Variants in ARNT observed in about 807,000 individuals in gnomAD.
ARNT encodes the protein aryl hydrocarbon receptor nuclear translocator, also known as class E basic helix-loop-helix protein 2.
In ARNT, 30 loss-of-function variants were observed where a neutral mutation model predicts 105.0. The ratio of observed to expected loss-of-function variants is 0.29; its 90% CI spans 0.21 to 0.39. ARNT has a LOEUF of 0.39. Ranked by LOEUF, ARNT falls within the 10% of genes least tolerant of loss-of-function variation. The pLI, the probability that ARNT is intolerant of heterozygous loss-of-function variation, is 1.00. For synonymous variants in ARNT, 304 were observed against 344.0 expected (o/e 0.88, Z 1.29); for missense variants, 748 against 978.7 (o/e 0.76, Z 3.15).
In ARNT at chr1:150,811,023, C is replaced by G; in HGVS notation, c.*998G>C. Reference sequence around the variant, plus strand: ...TTGAGTTTCCATGCAGAAATAACCTCTACAGAACACACATCATATGTGATT... The same window carrying G: ...TTGAGTTTCCATGCAGAAATAACCTGTACAGAACACACATCATATGTGATT... On this transcript the variant is annotated 3_prime_UTR_variant, in exon 22 of 22. Transcript: ENST00000358595. The G allele has an allele frequency of 8.6e-6, 2 of 231,332 alleles. No homozygotes were observed. The highest frequency in any genetic ancestry group is 2.2e-5 in the African/African-American group (1 of 45,326). 14.3% of individuals were successfully genotyped at this position (231,332 alleles called of 1,614,324 possible).
chr1:150,868,271 A>AT (rs1666922590), intron 1 of ARNT, among the ~76,000 whole-genome samples: 1 of 152,114 alleles, frequency 6.6e-6, no homozygotes. Flanking sequence ...CGTGGGCAAC[A>AT]TAGCAAGACC....
At chr1:150,870,506 G>A (rs916425327) in intron 1 of ARNT, among the ~76,000 whole-genome samples, 1 of 151,984 alleles carries the variant, frequency 6.6e-6, no homozygotes, top group African/African-American at 2.4e-5. Flanking sequence ...TGCTGGTTTT[G>A]TTGTGTTTTT....
intron 19 of ARNT, among the ~76,000 whole-genome samples, chr1:150,815,319 A>G (rs1290288516): frequency 7.0e-6 from 1 of 142,174 alleles, no homozygotes; most frequent in Admixed American, 7.0e-5. Context: ...GAGGCCGAGG[A>G]GGGCGGATCA....
chr1:150,829,802 T>C, intron 11 of ARNT, 102 bp downstream of exon 11: 1 of 1,260,772 alleles, frequency 7.9e-7, no homozygotes, highest in Non-Finnish European at 1.1e-6. Context: ...TTTTATGGAA[T>C]TCTTCATTTG....
chr1:150,873,884 C>T (rs1468235112), intron 1 of ARNT, among the ~76,000 whole-genome samples: 2 of 151,862 alleles, frequency 1.3e-5, no homozygotes, highest in Admixed American at 6.6e-5. Context: ...TACACCATTG[C>T]ACTACAGTCT....
chr1:150,840,702 A>C (rs1440092954), intron 5 of ARNT, among the ~76,000 whole-genome samples: 1 of 152,202 alleles, frequency 6.6e-6, no homozygotes, highest in Non-Finnish European at 1.5e-5. Flanking sequence ...AGGATGATTA[A>C]AGGTCTGACA....
chr1:150,872,493 C>T (rs940056404), intron 1 of ARNT, among the ~76,000 whole-genome samples: 1 of 152,126 alleles, frequency 6.6e-6, no homozygotes, highest in African/African-American at 2.4e-5. Flanking sequence ...CATAATAGCA[C>T]AAAAAGAATT....
chr1:150,815,105 G>A (rs1022594493), intron 19 of ARNT, among the ~76,000 whole-genome samples: 7 of 152,036 alleles, frequency 4.6e-5, no homozygotes, highest in African/African-American at 1.7e-4. Flanking sequence ...ACACAATTGA[G>A]ATCGTATTGC....
chr1:150,829,599 A>C (rs1658956620), intron 11 of ARNT: 1 of 566,922 alleles, frequency 1.8e-6, no homozygotes, highest in African/African-American at 1.9e-5. Flanking sequence ...TCAGGTAATG[A>C]TACAATGAAA....
intron 21 of ARNT, chr1:150,812,836 T>C (rs1571152910): frequency 1.6e-5 from 3 of 191,062 alleles, no homozygotes; most frequent in East Asian, 2.6e-4. Flanking sequence ...TCTGGTTAAA[T>C]GGTATGTATC....
intron 8 of ARNT, among the ~76,000 whole-genome samples, chr1:150,833,901 T>C (rs1027659810): frequency 1.3e-5 from 2 of 151,882 alleles, no homozygotes; most frequent in African/African-American, 4.8e-5. Flanking sequence ...TATCAAACAG[T>C]ATGTAACAGT....
intron 14 of ARNT, among the ~76,000 whole-genome samples, chr1:150,818,741 ACT>A (rs1158853138): frequency 1.0e-5 from 1 of 98,838 alleles, no homozygotes; most frequent in East Asian, 2.9e-4. Flanking sequence ...AGAGTGAGAC[ACT>A]GTCTCAATGA....
At chr1:150,858,983 A>C (rs1199114458) in intron 1 of ARNT, among the ~76,000 whole-genome samples, 1 of 151,910 alleles carries the variant, frequency 6.6e-6, no homozygotes, top group Non-Finnish European at 1.5e-5. Flanking sequence ...CCCATGTCAT[A>C]GAGTTTGGAA....
chr1:150,838,291 T>C (rs1050163365), intron 6 of ARNT, among the ~76,000 whole-genome samples: 2 of 152,216 alleles, frequency 1.3e-5, no homozygotes, highest in African/African-American at 4.8e-5. Context: ...TCATTTTCCA[T>C]ATCTGCATTT....
chr1:150,849,131 A>G (rs1415677946), intron 3 of ARNT, among the ~76,000 whole-genome samples: 3 of 152,086 alleles, frequency 2.0e-5, no homozygotes, highest in Non-Finnish European at 2.9e-5. Flanking sequence ...TGAACCTGGG[A>G]GGCAGAGGTT....
intron 11 of ARNT, 106 bp downstream of exon 11, chr1:150,829,798 G>A: frequency 8.3e-7 from 1 of 1,204,228 alleles, no homozygotes; most frequent in South Asian, 1.4e-5. Flanking sequence ...AGAGTTTTAT[G>A]GAATTCTTCA....
At position 150,817,372 on chromosome 1, in the gene ARNT, TG is replaced by T. The variant is rs1656097890; in HGVS notation, c.1566del (p.Tyr522Ter). 6.2e-7 allele frequency: 1 copy of T among 1,614,080 alleles called. No individual in the cohort carries two copies. Among genetic ancestry groups the T allele is most frequent in the African/African-American group, 1.3e-5 (1 of 74,926 alleles). ...MVPGRDGLAS[Y>X]NHSQVVQPVT... ...AGGACACAACTCACCTGGGAATGAT[TG>T]TAGCTGGCCAGTCCATCTCTTCCTG... On this transcript the variant is annotated frameshift_variant, in exon 16 of 22. Transcript: ENST00000358595. LOFTEE classifies it high-confidence loss of function.
chr1:150,850,051 CA>C (rs1427378895), intron 3 of ARNT, among the ~76,000 whole-genome samples: 3 of 151,896 alleles, frequency 2.0e-5, no homozygotes, highest in African/African-American at 7.3e-5. Context: ...GACTCTGTCT[CA>C]AAAAAACAAA....
At chr1:150,850,785 C>A (rs1206377725) in intron 3 of ARNT, among the ~76,000 whole-genome samples, 1 of 151,812 alleles carries the variant, frequency 6.6e-6, no homozygotes, top group Non-Finnish European at 1.5e-5. Flanking sequence ...GCTGCCCAGT[C>A]TGGGAACTGA....
Sources: allele counts gnomAD v4.1 joint callset (sites outside exome capture counted in the v4.1 genomes callset), GRCh38; gene constraint gnomAD v4.1.1; transcripts MANE v1.5; gene names NCBI Gene and HGNC (gene_info 2026-07-23, HGNC 2026-07-21).